Variants in CHST11 observed in about 807,000 individuals in gnomAD.
CHST11 encodes the protein C4S-1.
Under a neutral mutation model 30.4 loss-of-function variants are expected in CHST11, and 9 were observed. The observed-to-expected ratio is 0.30, with a 90% CI of 0.18 to 0.52. The LOEUF (loss-of-function observed/expected upper bound fraction) is 0.52, where lower values mean the gene tolerates loss of function less well. Among genes scored for constraint, CHST11 ranks in the 20% least tolerant of loss-of-function variants. CHST11 has a pLI of 0.97. For missense variants in CHST11, 348 were observed against 460.6 expected, an observed-to-expected ratio of 0.76 and a Z score of 2.24; for synonymous variants, 152 against 187.8, an observed-to-expected ratio of 0.81 and a Z score of 1.56.
chr12:104,584,499 C>G (rs2038782745), intron 1 of CHST11, among the ~76,000 whole-genome samples: 1 of 151,968 alleles, frequency 6.6e-6, no homozygotes, highest in Non-Finnish European at 1.5e-5. Flanking sequence ...TCAGCTGATC[C>G]CCCTTCCTCA....
chr12:104,579,445 A>C (rs1159624905), intron 1 of CHST11, among the ~76,000 whole-genome samples: 2 of 151,744 alleles, frequency 1.3e-5, no homozygotes, highest in Non-Finnish European at 2.9e-5. Context: ...GCATCACTTA[A>C]CCTCCCTGAC....
At chr12:104,505,315 A>G (rs1357516087) in intron 1 of CHST11, among the ~76,000 whole-genome samples, 1 of 152,094 alleles carries the variant, frequency 6.6e-6, no homozygotes, top group African/African-American at 2.4e-5. Flanking sequence ...GGGATACTGC[A>G]TGGAACAGCA....
intron 2 of CHST11, among the ~76,000 whole-genome samples, chr12:104,688,768 G>A (rs1475551906): frequency 1.3e-5 from 2 of 152,198 alleles, no homozygotes; most frequent in Non-Finnish European, 2.9e-5. Context: ...TAAGGAAAAT[G>A]TATAGAGCCC....
chr12:104,700,631 G>A (rs1322137579), intron 2 of CHST11, among the ~76,000 whole-genome samples: 2 of 152,158 alleles, frequency 1.3e-5, no homozygotes, highest in African/African-American at 4.8e-5. Flanking sequence ...AAAGCAATTA[G>A]CGTGGTACCT....
rs560474342 is a variant in CHST11, at chr12:104,563,258, G to A, written c.119-38648G>A. 6.6e-5 allele frequency among the ~76,000 whole-genome samples: 10 copies of A among 152,198 alleles called. No individual in the cohort carries two copies. The South Asian group carries it at 1.7e-3, about 25-fold the overall frequency. On this transcript the variant is annotated intron_variant, in intron 1 of 2. Transcript: ENST00000303694. ...TTTGCCTGTTGGCCAGGCTGGTCTC[G>A]AACTCCTGACCTCAAGTGATCCGCC...
intron 1 of CHST11, among the ~76,000 whole-genome samples, chr12:104,540,561 C>G (rs1050047745): frequency 6.6e-6 from 1 of 152,172 alleles, no homozygotes; most frequent in African/African-American, 2.4e-5. Context: ...AAGGGCACAT[C>G]CCCAGTGACC....
At chr12:104,617,885 T>C (rs921061787) in intron 2 of CHST11, among the ~76,000 whole-genome samples, 1 of 152,036 alleles carries the variant, frequency 6.6e-6, no homozygotes, top group African/African-American at 2.4e-5. Context: ...CACAGTCAAA[T>C]ACATATTTTT....
At chr12:104,731,244 G>A (rs541787081) in intron 2 of CHST11, among the ~76,000 whole-genome samples, 13 of 152,238 alleles carry the variant, frequency 8.5e-5, no homozygotes, top group African/African-American at 1.7e-4. Flanking sequence ...ACCCAGACAC[G>A]GCTGCCCCCG....
chr12:104,466,089 A>G (rs2037454682), intron 1 of CHST11, among the ~76,000 whole-genome samples: 1 of 151,908 alleles, frequency 6.6e-6, no homozygotes, highest in Admixed American at 6.6e-5. Context: ...CGAACTCCTG[A>G]CCTCAGGTGA....
At chr12:104,580,249 G>C (rs1367162011) in intron 1 of CHST11, among the ~76,000 whole-genome samples, 1 of 152,160 alleles carries the variant, frequency 6.6e-6, no homozygotes, top group African/African-American at 2.4e-5. Context: ...AGTACGAAAG[G>C]AAATTGAAAC....
At chr12:104,709,805 G>C (rs1008083110) in intron 2 of CHST11, among the ~76,000 whole-genome samples, 2 of 152,168 alleles carry the variant, frequency 1.3e-5, no homozygotes, top group Non-Finnish European at 2.9e-5. Flanking sequence ...TGGGTACAAG[G>C]TTTCTTTTTG....
intron 1 of CHST11, among the ~76,000 whole-genome samples, chr12:104,566,406 C>T (rs1592766439): frequency 6.6e-6 from 1 of 152,134 alleles, no homozygotes; most frequent in Admixed American, 6.5e-5. Flanking sequence ...GAAAGCCACT[C>T]ATAATGGAAA....
intron 1 of CHST11, among the ~76,000 whole-genome samples, chr12:104,467,365 G>A (rs959377758): frequency 3.3e-5 from 5 of 152,274 alleles, no homozygotes; most frequent in Middle Eastern, 6.8e-3. Context: ...TTTCCTTCCC[G>A]GACCCCTTTT....
At chr12:104,575,264 T>C (rs1232557889) in intron 1 of CHST11, among the ~76,000 whole-genome samples, 2 of 152,036 alleles carry the variant, frequency 1.3e-5, no homozygotes, top group Non-Finnish European at 2.9e-5. Flanking sequence ...TGACGGGGCT[T>C]TGTGTTTGCC....
At chr12:104,642,531 G>C (rs1020329245) in intron 2 of CHST11, among the ~76,000 whole-genome samples, 2 of 152,128 alleles carry the variant, frequency 1.3e-5, no homozygotes, top group African/African-American at 4.8e-5. Flanking sequence ...CTCCTCAGTA[G>C]CTGGGACTAC....
At chr12:104,740,183 C>G (rs2040335598) in intron 2 of CHST11, among the ~76,000 whole-genome samples, 1 of 152,180 alleles carries the variant, frequency 6.6e-6, no homozygotes, top group Non-Finnish European at 1.5e-5. Flanking sequence ...GCTCTGAAAT[C>G]AGGCCAGCCC....
intron 1 of CHST11, among the ~76,000 whole-genome samples, chr12:104,570,314 G>A (rs576469218): frequency 1.2e-4 from 18 of 152,104 alleles, no homozygotes; most frequent in African/African-American, 3.6e-4. Flanking sequence ...TTAACATTTC[G>A]CAAGCCTCCC....
chr12:104,572,893 G>A (rs1024932375), intron 1 of CHST11, among the ~76,000 whole-genome samples: 4 of 151,500 alleles, frequency 2.6e-5, no homozygotes, highest in African/African-American at 9.7e-5. Flanking sequence ...GAAATAAAGG[G>A]TATTCAATTA....
intron 2 of CHST11, among the ~76,000 whole-genome samples, chr12:104,696,330 C>A (rs1457700106): frequency 6.6e-6 from 1 of 151,878 alleles, no homozygotes; most frequent in African/African-American, 2.4e-5. Context: ...ATAGATCTGC[C>A]TATATAATAG....
Sources: gnomAD v4.1 joint callset for allele counts (sites outside exome capture counted in the v4.1 genomes callset) on GRCh38, gnomAD v4.1.1 for gene constraint, MANE v1.5 for transcripts, NCBI Gene and HGNC (gene_info 2026-07-23, HGNC 2026-07-21) for gene names.